Variants in THEMIS observed in about 807,000 individuals in gnomAD.
THEMIS encodes the protein protein THEMIS.
In THEMIS, 37 loss-of-function variants were observed where a neutral mutation model predicts 52.6. That is an observed-to-expected ratio of 0.70 (90% CI 0.54 to 0.93). The LOEUF (loss-of-function observed/expected upper bound fraction) is 0.93, where lower values mean the gene tolerates loss of function less well. Ranked by LOEUF, THEMIS falls within the 40% of genes least tolerant of loss-of-function variation. The probability of loss-of-function intolerance (pLI) is 0.00; values close to 1 mark genes in which losing one functional copy is unlikely to be tolerated. For missense variants in THEMIS, 808 were observed against 763.1 expected, an observed-to-expected ratio of 1.06 and a Z score of -0.69; for synonymous variants, 292 against 272.7, an observed-to-expected ratio of 1.07 and a Z score of -0.70.
chr6:127,829,874 G>T lies in THEMIS; in HGVS notation c.311C>A (p.Thr104Asn). The T allele has an allele frequency of 6.2e-7, 1 of 1,613,934 alleles. No homozygotes were observed. Among genetic ancestry groups the T allele is most frequent in the Non-Finnish European group, 8.5e-7 (1 of 1,179,984 alleles). ...PYLTMEEITRTIHIGPSRLGH... is the reference protein window; with the variant it reads ...PYLTMEEITRNIHIGPSRLGH... ...TAGTCTACTTGGTCCAATATGAATG[G>T]TCCTTGTGATTTCTTCCATAGTAAG... is the stretch of plus-strand genomic sequence containing the variant. The change falls in exon 3 of 6, where the codon ACC becomes AAC. Residue 104 changes from threonine to asparagine, a missense_variant. Transcript: ENST00000368248.
At chr6:127,914,840 C>G (rs1345715461) in intron 1 of THEMIS, among the ~76,000 whole-genome samples, 1 of 152,108 alleles carries the variant, frequency 6.6e-6, no homozygotes, top group Non-Finnish European at 1.5e-5. Context: ...TCATAAAGTT[C>G]TATTTTGTTT....
At chr6:127,872,568 A>G (rs1172656526) in intron 1 of THEMIS, among the ~76,000 whole-genome samples, 3 of 152,180 alleles carry the variant, frequency 2.0e-5, no homozygotes, top group African/African-American at 7.2e-5. Context: ...TCTCAAAAGA[A>G]AAAAACAAAA....
intron 1 of THEMIS, among the ~76,000 whole-genome samples, chr6:127,884,354 C>T (rs17055088): frequency 0.018 from 2,669 of 152,222 alleles, 84 homozygotes; most frequent in African/African-American, 0.06. Context: ...ATTCCTTTTG[C>T]TTTAGATGTG....
intron 4 of THEMIS, among the ~76,000 whole-genome samples, chr6:127,760,096 T>G (rs74606829): frequency 2.0e-5 from 3 of 151,438 alleles, no homozygotes; most frequent in African/African-American, 7.3e-5. Flanking sequence ...TTTTTTTTTT[T>G]GCATGTGGAT....
rs965211933 is a variant in THEMIS at position 127,709,269 on chromosome 6, C to T, written c.*716G>A. 6.6e-6 allele frequency: 1 copy of T among 151,918 alleles called. No individual in the cohort carries two copies. Among genetic ancestry groups the T allele is most frequent in the African/African-American group, 2.4e-5 (1 of 41,380 alleles). 9.4% of individuals were successfully genotyped at this position (151,918 alleles called of 1,614,324 possible). A position where few individuals can be genotyped will look rare whatever the true frequency, so the allele number is the denominator to read the frequency against. On this transcript the variant is annotated 3_prime_UTR_variant, in exon 6 of 6. Transcript: ENST00000368248. ...AAGAAACATTCATCTAAAGAATTAT[C>T]TGGTACATAGCACATAGAATATTAA... is the stretch of plus-strand genomic sequence containing the variant.
At chr6:127,861,085 T>A (rs1348824321) in intron 1 of THEMIS, among the ~76,000 whole-genome samples, 1 of 152,146 alleles carries the variant, frequency 6.6e-6, no homozygotes, top group Non-Finnish European at 1.5e-5. Flanking sequence ...GATCAAATAT[T>A]TCCCATATTT....
intron 4 of THEMIS, among the ~76,000 whole-genome samples, chr6:127,754,840 C>T (rs760109492): frequency 2.6e-5 from 4 of 151,756 alleles, no homozygotes; most frequent in South Asian, 2.1e-4. Flanking sequence ...ATGGTGGCAA[C>T]GGTTCAATGA....
At chr6:127,716,958 G>A (rs1056458388) in intron 5 of THEMIS, among the ~76,000 whole-genome samples, 1 of 151,802 alleles carries the variant, frequency 6.6e-6, no homozygotes, top group South Asian at 2.1e-4. Context: ...ATTCACAAAG[G>A]CTATAACATT....
At chr6:127,699,257 C>T in the THEMIS span, among the ~76,000 whole-genome samples, 5 of 151,828 alleles carry the variant, frequency 3.3e-5, no homozygotes, top group African/African-American at 9.6e-5. Flanking sequence ...AGATCTTCTA[C>T]TGTCACATTT....
intron 4 of THEMIS, among the ~76,000 whole-genome samples, chr6:127,729,711 A>T (rs1774691342): frequency 6.6e-6 from 1 of 152,108 alleles, no homozygotes; most frequent in African/African-American, 2.4e-5. Flanking sequence ...TTTTCTGCCA[A>T]ACTTTAACAA....
chr6:127,754,690 C>T (rs1187980732), intron 4 of THEMIS, among the ~76,000 whole-genome samples: 1 of 151,946 alleles, frequency 6.6e-6, no homozygotes, highest in Non-Finnish European at 1.5e-5. Context: ...GAGAAAATAA[C>T]CCTAAGAGTC....
At chr6:127,800,349 A>G (rs1056643549) in intron 4 of THEMIS, among the ~76,000 whole-genome samples, 2 of 152,080 alleles carry the variant, frequency 1.3e-5, no homozygotes, top group Non-Finnish European at 2.9e-5. Context: ...TACCCACTCT[A>G]GCTTCATCTC....
intron 5 of THEMIS, among the ~76,000 whole-genome samples, chr6:127,717,008 A>G (rs1294576156): frequency 6.6e-6 from 1 of 151,996 alleles, no homozygotes; most frequent in Non-Finnish European, 1.5e-5. Flanking sequence ...AAATGCAGAC[A>G]GAAACTCAGA....
chr6:127,843,324 G>A (rs1030548275), intron 2 of THEMIS, among the ~76,000 whole-genome samples: 1 of 150,832 alleles, frequency 6.6e-6, no homozygotes, highest in African/African-American at 2.4e-5. Flanking sequence ...ACACAAATCT[G>A]GACCTATACA....
At chr6:127,739,594 A>C (rs1268903765) in intron 4 of THEMIS, among the ~76,000 whole-genome samples, 2 of 152,132 alleles carry the variant, frequency 1.3e-5, no homozygotes, top group African/African-American at 2.4e-5. Flanking sequence ...GAGCCGAGAT[A>C]GCACCACTGC....
rs773506474 is a variant in THEMIS, at chr6:127,829,899, G to T, written c.286C>A (p.Leu96Ile). 1.2e-6 allele frequency: 2 copies of T among 1,612,666 alleles called. No individual in the cohort carries two copies. The highest frequency in any genetic ancestry group is 2.2e-5 in the South Asian group (2 of 90,906). The change falls in exon 3 of 6, where the codon CTT becomes ATT. Residue 96 changes from leucine to isoleucine, a missense_variant. Transcript: ENST00000368248. The stretch of plus-strand genomic sequence containing the variant: ...GTCCTTGTGATTTCTTCCATAGTAA[G>T]GTATGGAGTTTTATCAGCCACAATC... ...FKIVADKTPY[L>I]TMEEITRTIH...
chr6:127,869,743 A>G (rs569381114), intron 1 of THEMIS, among the ~76,000 whole-genome samples: 2 of 152,294 alleles, frequency 1.3e-5, no homozygotes, highest in African/African-American at 4.8e-5. Context: ...AGACCAAGAA[A>G]ACCCTCAACA....
chr6:127,762,558 G>A (rs764854077), intron 4 of THEMIS, among the ~76,000 whole-genome samples: 2 of 151,988 alleles, frequency 1.3e-5, no homozygotes, highest in Non-Finnish European at 2.9e-5. Flanking sequence ...TTCCAGCCAT[G>A]ACAAGAAACT....
chr6:127,756,726 T>G (rs1583238511), intron 4 of THEMIS, among the ~76,000 whole-genome samples: 1 of 152,210 alleles, frequency 6.6e-6, no homozygotes, highest in African/African-American at 2.4e-5. Flanking sequence ...TTAGCTTTTA[T>G]GAGGCTGCAG....
Sources: gnomAD v4.1 joint callset for allele counts (sites outside exome capture counted in the v4.1 genomes callset) on GRCh38, gnomAD v4.1.1 for gene constraint, MANE v1.5 for transcripts, NCBI Gene and HGNC (gene_info 2026-07-23, HGNC 2026-07-21) for gene names.